Variants in ZSWIM6 observed in about 807,000 individuals in gnomAD.
The protein encoded by ZSWIM6 is zinc finger SWIM-type containing 6.
ZSWIM6 carries 9 observed loss-of-function variants against 113.2 expected under a neutral mutation model. That is an observed-to-expected ratio of 0.08 (90% CI 0.05 to 0.14). ZSWIM6 has a LOEUF of 0.14. ZSWIM6 is among the 10% of genes least tolerant of loss of function. The pLI is 1.00. For missense variants in ZSWIM6, 1,162 were observed against 1,552.2 expected, an observed-to-expected ratio of 0.75 and a Z score of 4.22; for synonymous variants, 611 against 606.5, an observed-to-expected ratio of 1.01 and a Z score of -0.11.
intron 5 of ZSWIM6, among the ~76,000 whole-genome samples, chr5:61,523,863 C>T (rs1036489225): frequency 4.6e-5 from 7 of 152,094 alleles, no homozygotes; most frequent in East Asian, 3.9e-4. Context: ...AGTGTGTGTA[C>T]GCAACATTTC....
intron 1 of ZSWIM6, among the ~76,000 whole-genome samples, chr5:61,423,132 C>T (rs892198624): frequency 3.3e-5 from 5 of 152,018 alleles, no homozygotes; most frequent in Non-Finnish European, 5.9e-5. Context: ...GAGGGCCAGG[C>T]GCAGTGGCTC....
intron 1 of ZSWIM6, among the ~76,000 whole-genome samples, chr5:61,333,222 C>G (rs946843733): frequency 1.3e-5 from 2 of 151,926 alleles, no homozygotes; most frequent in Non-Finnish European, 2.9e-5. Context: ...CCGCGCTCCC[C>G]TACCCGCCCT....
chr5:61,336,069 A>G (rs1055556037), intron 1 of ZSWIM6, among the ~76,000 whole-genome samples: 3 of 151,722 alleles, frequency 2.0e-5, no homozygotes, highest in African/African-American at 7.3e-5. Context: ...TCTAGACCAG[A>G]CTGGGCAACA....
At chr5:61,372,001 C>A (rs1184967083) in intron 1 of ZSWIM6, among the ~76,000 whole-genome samples, 1 of 151,512 alleles carries the variant, frequency 6.6e-6, no homozygotes, top group East Asian at 1.9e-4. Flanking sequence ...TCTTTAATGT[C>A]TACAGAAGAG....
At chr5:61,367,873 C>T (rs1481812351) in intron 1 of ZSWIM6, among the ~76,000 whole-genome samples, 1 of 152,094 alleles carries the variant, frequency 6.6e-6, no homozygotes, top group Non-Finnish European at 1.5e-5. Flanking sequence ...GTAATCCCAA[C>T]ATTTTGGGAG....
chr5:61,447,427 G>T (rs984406324), intron 1 of ZSWIM6, among the ~76,000 whole-genome samples: 5 of 152,122 alleles, frequency 3.3e-5, no homozygotes, highest in African/African-American at 1.2e-4. Context: ...TCAGTCAGTT[G>T]GGCTTGTTCA....
rs1321473157 is a variant in ZSWIM6 at position 61,427,777 on chromosome 5, G to C, written c.677-44904G>C. Among the ~76,000 whole-genome samples, 5 of 152,168 alleles carry C rather than the reference G, an allele frequency of 3.3e-5. No individual in the cohort carries two copies. In the East Asian group the frequency reaches 9.6e-4, roughly 29 times the overall value. On this transcript the variant is annotated intron_variant, in intron 1 of 13. Coordinates refer to ENST00000252744, the MANE Select transcript of ZSWIM6 (RefSeq NM_020928.2). ...ATTACAGTTGTGTGCCACCATGCCA[G>C]GATCCCTCAAATATTTTAAATCTAT...
chr5:61,382,546 A>C (rs1348090615), intron 1 of ZSWIM6, among the ~76,000 whole-genome samples: 1 of 152,190 alleles, frequency 6.6e-6, no homozygotes, highest in Non-Finnish European at 1.5e-5. Context: ...GCTCATGCCC[A>C]TAATCCCAGC....
At chr5:61,522,973 A>G (rs899109402) in intron 5 of ZSWIM6, among the ~76,000 whole-genome samples, 3 of 152,236 alleles carry the variant, frequency 2.0e-5, no homozygotes, top group Non-Finnish European at 4.4e-5. Context: ...CTGGTAAGAA[A>G]TGGTCCAGCC....
At chr5:61,523,841 T>C (rs1449009889) in intron 5 of ZSWIM6, among the ~76,000 whole-genome samples, 1 of 152,212 alleles carries the variant, frequency 6.6e-6, no homozygotes, top group African/African-American at 2.4e-5. Flanking sequence ...GAGCTAACCA[T>C]GTTAAAAGCC....
At chr5:61,332,986 G>C (rs1307022481) in intron 1 of ZSWIM6, 38 bp downstream of exon 1, 1 of 1,083,020 alleles carries the variant, frequency 9.2e-7, no homozygotes, top group Non-Finnish European at 1.2e-6. Context: ...CTGTCCGTCC[G>C]TCAGTCCCTG....
At chr5:61,413,531 T>C (rs920627007) in intron 1 of ZSWIM6, among the ~76,000 whole-genome samples, 15 of 152,298 alleles carry the variant, frequency 9.8e-5, no homozygotes, top group African/African-American at 3.6e-4. Context: ...CCTTTGGGTA[T>C]ATACCCAGTA....
chr5:61,387,220 A>G (rs1745607009), intron 1 of ZSWIM6, among the ~76,000 whole-genome samples: 1 of 152,240 alleles, frequency 6.6e-6, no homozygotes, highest in African/African-American at 2.4e-5. Context: ...TGGCTGCCCC[A>G]ACCAAACAGC....
intron 1 of ZSWIM6, among the ~76,000 whole-genome samples, chr5:61,338,607 A>G (rs917976556): frequency 2.6e-5 from 4 of 152,226 alleles, no homozygotes; most frequent in African/African-American, 9.6e-5. Flanking sequence ...GGAATTTGTT[A>G]TCATACTTAG....
intron 1 of ZSWIM6, among the ~76,000 whole-genome samples, chr5:61,373,553 G>A (rs1379707430): frequency 6.6e-6 from 1 of 151,632 alleles, no homozygotes; most frequent in African/African-American, 2.4e-5. Context: ...AATCACGTCT[G>A]GTTCATTGCA....
At chr5:61,378,729 ATTTT>A (rs1182697260) in intron 1 of ZSWIM6, among the ~76,000 whole-genome samples, 1 of 151,854 alleles carries the variant, frequency 6.6e-6, no homozygotes, top group African/African-American at 2.4e-5. Context: ...CTAATTTTGT[ATTTT>A]TTTAGTAGAG....
chr5:61,416,193 G>A (rs1035071267), intron 1 of ZSWIM6, among the ~76,000 whole-genome samples: 1 of 152,160 alleles, frequency 6.6e-6, no homozygotes, highest in African/African-American at 2.4e-5. Flanking sequence ...AGAGGAAGGA[G>A]GCAGAAAGGC....
intron 4 of ZSWIM6, among the ~76,000 whole-genome samples, chr5:61,510,100 A>G (rs1422554809): frequency 6.6e-6 from 1 of 151,890 alleles, no homozygotes; most frequent in Non-Finnish European, 1.5e-5. Context: ...CGAGAGCCTC[A>G]GTGTGCTTGC....
At chr5:61,451,258 G>T (rs908235183) in intron 1 of ZSWIM6, among the ~76,000 whole-genome samples, 1 of 152,106 alleles carries the variant, frequency 6.6e-6, no homozygotes, top group African/African-American at 2.4e-5. Flanking sequence ...AGGAAGTCAG[G>T]ATACCAATGT....
Sources: gnomAD v4.1 joint callset for allele counts (sites outside exome capture counted in the v4.1 genomes callset) on GRCh38, gnomAD v4.1.1 for gene constraint, MANE v1.5 for transcripts, NCBI Gene and HGNC (gene_info 2026-07-23, HGNC 2026-07-21) for gene names.